NRDE2: variants seen among roughly 807,000 people sequenced by gnomAD.
The protein encoded by NRDE2 is NRDE-2, necessary for RNA interference, domain containing.
In NRDE2, 76 loss-of-function variants were observed where a neutral mutation model predicts 124.2. The observed-to-expected ratio is 0.61, with a 90% CI of 0.51 to 0.74. NRDE2 has a LOEUF of 0.74. Among genes scored for constraint, NRDE2 ranks in the 30% least tolerant of loss-of-function variants. NRDE2 has a pLI of 0.00. For missense variants in NRDE2, 1,314 were observed against 1,417.3 expected, an observed-to-expected ratio of 0.93 and a Z score of 1.17; for synonymous variants, 489 against 528.1, an observed-to-expected ratio of 0.93 and a Z score of 1.01.
chr14:90,290,094 G>T, intron 10 of NRDE2, 127 bp downstream of exon 10: 1 of 1,008,456 alleles, frequency 9.9e-7, no homozygotes, highest in Non-Finnish European at 1.4e-6. Context: ...GGTGCCTTCA[G>T]GGTCACTGGA....
rs189649770 is a variant in NRDE2 at position 90,318,102 on chromosome 14, G to C, written c.76C>G (p.Leu26Val). The stretch of plus-strand genomic sequence containing the variant: ...CCAACACAAAAGCTTGGGTTGCTCA[G>C]CCAGTCTAACTCTGCACAGGCAAAA... ...GGSSRKELDW[L>V]SNPSFCVGSI... Residue 26 changes from leucine (L) to valine (V), a missense_variant, in exon 2 of 14, where the codon CTG becomes GTG. By Grantham distance (32) the Leu-to-Val change is conservative. Coordinates refer to ENST00000354366, the MANE Select transcript of NRDE2 (RefSeq NM_017970.4). 6.2e-7 allele frequency: 1 copy of C among 1,613,532 alleles called. No homozygotes were observed. The highest frequency in any genetic ancestry group is 8.5e-7 in the Non-Finnish European group (1 of 1,179,674).
intron 3 of NRDE2, among the ~76,000 whole-genome samples, chr14:90,316,284 G>A (rs1885044822): frequency 6.6e-6 from 1 of 152,162 alleles, no homozygotes; most frequent in African/African-American, 2.4e-5. Flanking sequence ...CGTTATCTAT[G>A]TGATAACGGC....
At position 90,273,559 on chromosome 14, in the gene NRDE2, A is replaced by AAAATAAAT. The variant is rs562695048; in HGVS notation, c.*4769_*4776dup. 1 of 152,186 alleles carries AAAATAAAT rather than the reference A, an allele frequency of 6.6e-6. No individual in the cohort carries two copies. Among genetic ancestry groups the AAAATAAAT allele is most frequent in the African/African-American group, 2.4e-5 (1 of 41,424 alleles). 9.4% of individuals were successfully genotyped at this position (152,186 alleles called of 1,614,324 possible). On this transcript the variant is annotated 3_prime_UTR_variant, in exon 14 of 14. Coordinates refer to ENST00000354366, the MANE Select transcript of NRDE2 (RefSeq NM_017970.4). ...GGCGACAGAGCAAGACTCCGTCTCA[A>AAAATAAAT]AAATAAATAAATAAATAAATAAAAA...
chr14:90,303,022 A>G lies in NRDE2; in HGVS notation c.1109T>C (p.Leu370Pro). The change falls in exon 6 of 14, where the codon CTG becomes CCG. Residue 370 changes from leucine (L) to proline (P), a missense_variant. Leu to Pro is a moderately conservative substitution (Grantham distance 98). Transcript: ENST00000354366. The stretch of plus-strand genomic sequence containing the variant: ...CTGGTTGCTCTCAATGGCCCGCTCC[A>G]GAATGGCCAGCTTCTTCTCCAGAAT... Reference protein sequence around the residue: ...KLILEKKLAILERAIESNQSS... With the variant: ...KLILEKKLAIPERAIESNQSS... The G allele has an allele frequency of 6.2e-7, 1 of 1,614,040 alleles. No individual in the cohort carries two copies.
intron 7 of NRDE2, among the ~76,000 whole-genome samples, chr14:90,300,984 T>C (rs1884378856): frequency 7.0e-6 from 1 of 143,570 alleles, no homozygotes; most frequent in Non-Finnish European, 1.5e-5. Flanking sequence ...CAGAGAGCCT[T>C]TATGTTGTGA....
intron 1 of NRDE2, among the ~76,000 whole-genome samples, chr14:90,319,200 T>G (rs1043272213): frequency 1.3e-5 from 2 of 151,218 alleles, no homozygotes; most frequent in African/African-American, 2.4e-5. Flanking sequence ...CCACGGGGGG[T>G]TTGTATTTTG....
intron 3 of NRDE2, among the ~76,000 whole-genome samples, chr14:90,313,285 C>G (rs547782254): frequency 6.6e-6 from 1 of 152,106 alleles, no homozygotes; most frequent in Non-Finnish European, 1.5e-5. Flanking sequence ...CACCACCACA[C>G]CTGGCTAATT....
Position 90,269,595 on chromosome 14 carries a change from T to C in NRDE2, c.*8741A>G. On this transcript the variant is annotated 3_prime_UTR_variant, in exon 14 of 14. Transcript: ENST00000354366. ...TCATGGAGATTAATGTGTTTATATA[T>C]TTGTGTTTAAGTGTGCTTTGGGAGG... is the stretch of plus-strand genomic sequence containing the variant. 6.3e-7 allele frequency: 1 copy of C among 1,587,690 alleles called. No individual in the cohort carries two copies. Among genetic ancestry groups the C allele is most frequent in the South Asian group, 1.1e-5 (1 of 88,044 alleles).
intron 1 of NRDE2, among the ~76,000 whole-genome samples, chr14:90,330,937 C>CT (rs200649143): frequency 0.01 from 1,476 of 146,952 alleles, 22 homozygotes; most frequent in African/African-American, 0.034. Context: ...ACTTTTTTTT[C>CT]TTTTTTTTTT....
At chr14:90,324,905 T>C (rs1885364352) in intron 1 of NRDE2, among the ~76,000 whole-genome samples, 1 of 152,176 alleles carries the variant, frequency 6.6e-6, no homozygotes, top group African/African-American at 2.4e-5. Flanking sequence ...TAAGGACATT[T>C]AAAAGTTCTT....
At chr14:90,325,561 T>C (rs1322951966) in intron 1 of NRDE2, among the ~76,000 whole-genome samples, 1 of 152,206 alleles carries the variant, frequency 6.6e-6, no homozygotes, top group East Asian at 1.9e-4. Context: ...AGTCTCACTA[T>C]GTCAGCCAGG....
At chr14:90,323,178 TA>T (rs1885302748) in intron 1 of NRDE2, among the ~76,000 whole-genome samples, 1 of 152,226 alleles carries the variant, frequency 6.6e-6, no homozygotes, top group Non-Finnish European at 1.5e-5. Context: ...GTAGCATGTA[TA>T]AATTTTCAGG....
chr14:90,293,366 T>G (rs1892327310), intron 8 of NRDE2, among the ~76,000 whole-genome samples: 1 of 152,162 alleles, frequency 6.6e-6, no homozygotes, highest in African/African-American at 2.4e-5. Context: ...TTCTCCTGCC[T>G]CAGCTTCCTG....
chr14:90,309,844 T>C (rs1884763359), intron 4 of NRDE2, among the ~76,000 whole-genome samples: 1 of 152,216 alleles, frequency 6.6e-6, no homozygotes, highest in Non-Finnish European at 1.5e-5. Context: ...TGTGTAAACT[T>C]TACCAAATGG....
chr14:90,330,214 A>AT (rs1555362757), intron 1 of NRDE2, among the ~76,000 whole-genome samples: 30 of 139,310 alleles, frequency 2.2e-4, no homozygotes, highest in Admixed American at 2.1e-3. Flanking sequence ...CTCAAAAAAA[A>AT]AAATAAATAA....
rs1891706851 is a variant in NRDE2 at position 90,272,925 on chromosome 14, T to C, written c.*5411A>G. 6.6e-6 allele frequency: 1 copy of C among 152,628 alleles called. No individual in the cohort carries two copies. Among genetic ancestry groups the C allele is most frequent in the African/African-American group, 2.4e-5 (1 of 41,468 alleles). The allele number at this position is 152,628 out of a possible 1,614,324, so 9.5% of individuals were successfully genotyped here. A position where few individuals can be genotyped will look rare whatever the true frequency, so the allele number is the denominator to read the frequency against. ...TTTTGGAAGTTTTGTGGACCATGCA[T>C]GTTCTTAGCACTCTGAGGGCAGAAA... is the stretch of plus-strand genomic sequence containing the variant. On this transcript the variant is annotated 3_prime_UTR_variant, in exon 14 of 14. Transcript: ENST00000354366. The surrounding 1 kb of genome is among the most constrained non-coding windows in gnomAD (Gnocchi z 4.5).
At chr14:90,287,779 T>C (rs1228947403) in intron 11 of NRDE2, among the ~76,000 whole-genome samples, 4 of 152,226 alleles carry the variant, frequency 2.6e-5, no homozygotes, top group African/African-American at 9.6e-5. Context: ...GAAGTAGGTT[T>C]TTCATTCCCA....
rs765045067 is a variant in NRDE2, at chr14:90,268,445, T to G, written c.*9891A>C. The G allele has an allele frequency of 8.1e-6, 13 of 1,604,588 alleles. No homozygotes were observed. The highest frequency in any genetic ancestry group is 1.1e-5 in the Non-Finnish European group (13 of 1,172,034). Reference sequence around the variant, plus strand: ...TTTCTCATACTTATTTTGCCTTGTTTAGTAGGGAACACCGCATAGCTCTTC... The same window carrying G: ...TTTCTCATACTTATTTTGCCTTGTTGAGTAGGGAACACCGCATAGCTCTTC... On this transcript the variant is annotated 3_prime_UTR_variant, in exon 14 of 14. Transcript: ENST00000354366.
Position 90,304,330 on chromosome 14 carries a change from T to G in NRDE2, c.610A>C (p.Ile204Leu), listed in dbSNP as rs764123197. Residue 204 changes from isoleucine to leucine, a missense_variant, in exon 5 of 14, where the codon ATA (isoleucine) becomes CTA (leucine). Physicochemically the swap from Ile to Leu is conservative, Grantham distance 5. Transcript: ENST00000354366. ...CLGINPKKQC[I>L]SWEGTSTEKK... ...TCTGTGGAAGTCCCTTCCCAAGATATGCACTGCTTCTTAGGGTTAATGCCA... is the reference window on the plus strand; with the variant it reads ...TCTGTGGAAGTCCCTTCCCAAGATAGGCACTGCTTCTTAGGGTTAATGCCA... 21 of 1,614,018 alleles carry G rather than the reference T, an allele frequency of 1.3e-5. No homozygotes were observed. The highest frequency in any genetic ancestry group is 1.7e-5 in the Admixed American group (1 of 60,008).
Sources: allele counts gnomAD v4.1 joint callset (sites outside exome capture counted in the v4.1 genomes callset), GRCh38; gene constraint gnomAD v4.1.1; non-coding constraint Gnocchi (gnomAD v3.1); transcripts MANE v1.5; gene names NCBI Gene and HGNC (gene_info 2026-07-23, HGNC 2026-07-21).